The following FAS variants were observed in gnomAD, a reference collection of about 807,000 sequenced individuals.
FAS encodes the protein Fas cell surface death receptor.
FAS carries 5 observed loss-of-function variants against 33.2 expected under a neutral mutation model. The observed-to-expected ratio is 0.15, with a 90% CI of 0.08 to 0.32. The LOEUF (loss-of-function observed/expected upper bound fraction) is 0.32. Ranked by LOEUF, FAS falls within the 10% of genes least tolerant of loss-of-function variation. The pLI is 1.00. For missense variants in FAS, 339 were observed against 386.0 expected (o/e 0.88, Z 1.02); for synonymous variants, 131 against 130.7 (o/e 1.00, Z -0.01).
chr10:88,996,442 G>C, intron 1 of FAS, among the ~76,000 whole-genome samples: 1 of 151,640 alleles, frequency 6.6e-6, no homozygotes, highest in East Asian at 1.9e-4. Context: ...GGCTAGTTGG[G>C]GGCAAAGTTG....
chr10:88,984,033 G>A (rs1438518145), upstream of FAS, among the ~76,000 whole-genome samples: 1 of 152,046 alleles, frequency 6.6e-6, no homozygotes, highest in Non-Finnish European at 1.5e-5. Context: ...GGTTTCAGAT[G>A]GTAAAATGCC....
chr10:88,996,949 T>C (rs1847635717), intron 1 of FAS, among the ~76,000 whole-genome samples: 3 of 152,316 alleles, frequency 2.0e-5, no homozygotes, highest in African/African-American at 4.8e-5. Context: ...ATTTTAGGAC[T>C]CTATAGCCCT....
chr10:88,979,565 A>C (rs1024591441), intron 2 of FAS, among the ~76,000 whole-genome samples: 6 of 152,110 alleles, frequency 3.9e-5, no homozygotes, highest in Non-Finnish European at 7.4e-5. Flanking sequence ...GTCTCACACT[A>C]GGGCTGTTCT....
At chr10:88,976,700 T>G (rs747220012) in intron 2 of FAS, among the ~76,000 whole-genome samples, 8 of 152,194 alleles carry the variant, frequency 5.3e-5, no homozygotes, top group Non-Finnish European at 8.8e-5. Flanking sequence ...TAATTTTAAA[T>G]TAACAAAATT....
chr10:89,013,225 C>T (rs1848618137), intron 7 of FAS, 118 bp from the exon 8 acceptor site: 1 of 915,988 alleles, frequency 1.1e-6, no homozygotes, highest in African/African-American at 1.7e-5. Flanking sequence ...TAATTTTATA[C>T]ATCAAGCAAC....
At chr10:88,995,945 A>T (rs1847561844) in intron 1 of FAS, among the ~76,000 whole-genome samples, 1 of 152,212 alleles carries the variant, frequency 6.6e-6, no homozygotes. Flanking sequence ...GAGCAAGCTT[A>T]CTATAGGTTG....
intron 1 of FAS, among the ~76,000 whole-genome samples, chr10:88,995,793 T>G (rs1029087293): frequency 6.6e-6 from 1 of 152,130 alleles, no homozygotes; most frequent in Non-Finnish European, 1.5e-5. Context: ...GCCACTGCAC[T>G]CCAGGCTGGG....
chr10:88,989,375 G>T, upstream of FAS: 5 of 314,460 alleles, frequency 1.6e-5, no homozygotes, highest in Middle Eastern at 4.1e-4. Flanking sequence ...TTTTCATTTT[G>T]GAATAGTTTT....
At chr10:88,968,561 G>A (rs1846364743) in intron 1 of FAS, among the ~76,000 whole-genome samples, 1 of 152,132 alleles carries the variant, frequency 6.6e-6, no homozygotes, top group Admixed American at 6.6e-5. Flanking sequence ...TACTTTTTTG[G>A]TAGAGAGGAA....
chr10:88,990,883 G>C lies in FAS; in HGVS notation c.7G>C (p.Gly3Arg), dbSNP rs759288204. ML[G>R]IWTLLPLVLT... ...GGAGGATTGCTCAACAACCATGCTG[G>C]GCATCTGGACCCTCCTACCTCTGGT... Residue 3 changes from glycine (G) to arginine (R), a missense_variant, in exon 1 of 9, where the codon GGC (glycine) becomes CGC (arginine). By Grantham distance (125) the Gly-to-Arg change is moderately radical. This residue lies in a region of FAS where 276 missense variants were observed against 300.1 expected (regional missense o/e 0.92). Coordinates refer to ENST00000652046, the MANE Select transcript of FAS (RefSeq NM_000043.6). This position sits in a 1 kb window ranked among gnomAD's most constrained non-coding sequence, Gnocchi z 4.9. 1.9e-6 allele frequency: 3 copies of C among 1,614,216 alleles called. No individual in the cohort carries two copies. Among genetic ancestry groups the C allele is most frequent in the Non-Finnish European group, 2.5e-6 (3 of 1,180,036 alleles).
intron 1 of FAS, among the ~76,000 whole-genome samples, chr10:88,997,851 A>G (rs1847690587): frequency 6.6e-6 from 1 of 152,190 alleles, no homozygotes; most frequent in African/African-American, 2.4e-5. Flanking sequence ...GAGGGTGGTG[A>G]GATTTCAACC....
chr10:88,999,822 A>G (rs577970225), intron 1 of FAS, among the ~76,000 whole-genome samples: 1 of 152,324 alleles, frequency 6.6e-6, no homozygotes, highest in Non-Finnish European at 1.5e-5. Flanking sequence ...CATTTTTGAC[A>G]TGGGAATCTA....
chr10:88,998,369 C>G (rs953266274), intron 1 of FAS, among the ~76,000 whole-genome samples: 2 of 141,328 alleles, frequency 1.4e-5, no homozygotes, highest in Non-Finnish European at 3.1e-5. Flanking sequence ...AAAATCAAAA[C>G]AAAAACAGTG....
chr10:88,996,585 G>C (rs1304325761), intron 1 of FAS, among the ~76,000 whole-genome samples: 1 of 152,060 alleles, frequency 6.6e-6, no homozygotes, highest in African/African-American at 2.4e-5. Context: ...ACTAAGAGTA[G>C]ATTTTAAGTG....
chr10:88,994,319 G>T (rs940058920), intron 1 of FAS, among the ~76,000 whole-genome samples: 1 of 152,084 alleles, frequency 6.6e-6, no homozygotes, highest in African/African-American at 2.4e-5. Context: ...AAAGCCCCTA[G>T]GAAGTTAATT....
At chr10:88,994,088 G>A (rs981333924) in intron 1 of FAS, among the ~76,000 whole-genome samples, 12 of 152,186 alleles carry the variant, frequency 7.9e-5, no homozygotes, top group Admixed American at 7.2e-4. Flanking sequence ...GAATTTGGAC[G>A]TTGTCTCTGA....
chr10:88,978,236 C>G (rs1440531675), intron 2 of FAS, among the ~76,000 whole-genome samples: 3 of 123,106 alleles, frequency 2.4e-5, no homozygotes, highest in Non-Finnish European at 5.0e-5. Flanking sequence ...ATATCACACT[C>G]TGGGGACTGT....
intron 1 of FAS, among the ~76,000 whole-genome samples, chr10:88,966,501 T>C (rs146540296): frequency 6.6e-6 from 1 of 152,348 alleles, no homozygotes; most frequent in African/African-American, 2.4e-5. Flanking sequence ...GATTGAAATA[T>C]TGAATTTGAA....
chr10:88,973,406 A>T, intron 2 of FAS: 1 of 1,323,804 alleles, frequency 7.6e-7, no homozygotes, highest in Non-Finnish European at 9.9e-7. Flanking sequence ...TTCCCGATGA[A>T]AACAACTCTT....
Sources: gnomAD v4.1 joint callset for allele counts (sites outside exome capture counted in the v4.1 genomes callset) on GRCh38, gnomAD v4.1.1 for gene constraint, gnomAD v4.1.1 regional missense constraint, Gnocchi (gnomAD v3.1) non-coding constraint, MANE v1.5 for transcripts, NCBI Gene and HGNC (gene_info 2026-07-23, HGNC 2026-07-21) for gene names.